The following C3orf70 variants were observed in gnomAD, a reference collection of about 807,000 sequenced individuals.
The protein encoded by C3orf70 is UPF0524 protein C3orf70.
A neutral mutation model predicts 20.7 loss-of-function variants in C3orf70; 15 were observed. The observed-to-expected ratio is 0.72, with a 90% confidence interval of 0.48 to 1.11. The LOEUF (loss-of-function observed/expected upper bound fraction) is 1.11. C3orf70 is among the 50% of genes most tolerant of loss of function. The pLI is 0.00. For missense variants in C3orf70, 332 were observed against 317.6 expected (o/e 1.05, Z -0.34); for synonymous variants, 161 against 125.7 (o/e 1.28, Z -1.88).
intron 1 of C3orf70, among the ~76,000 whole-genome samples, chr3:185,105,275 CACTGTG>C (rs1715909455): frequency 6.6e-6 from 1 of 152,240 alleles, no homozygotes; most frequent in Non-Finnish European, 1.5e-5. Context: ...ATCTCTGCAG[CACTGTG>C]ACATGTTCAT....
rs578239687 is a variant in C3orf70, at chr3:185,116,219, C to A, written c.197-32656G>T. Among the ~76,000 whole-genome samples, 4 of 152,298 alleles carry A rather than the reference C, an allele frequency of 2.6e-5. No individual in the cohort carries two copies. The South Asian group carries it at 8.3e-4, about 32-fold the overall frequency. On this transcript the variant is annotated intron_variant, in intron 1 of 1. Transcript: ENST00000335012. ...ATTTCTCAACTGGCCCACAACTCAG[C>A]AAAGGAAGAATGCTATTTATTGGTA...
Position 185,082,975 on chromosome 3 carries a change from G to A in C3orf70, c.*32C>T, listed in dbSNP as rs192437094. 2.3e-4 allele frequency: 367 copies of A among 1,584,288 alleles called. No individual in the cohort carries two copies. The highest frequency in any genetic ancestry group is 3.0e-4 in the Non-Finnish European group (349 of 1,164,616). ...AGACAAAGGTACAAAAGCTCGGCGT[G>A]GGTCCGAGGCTGTGGCTTCCTGTCT... On this transcript the variant is annotated 3_prime_UTR_variant, in exon 2 of 2. Transcript: ENST00000335012.
intron 1 of C3orf70, among the ~76,000 whole-genome samples, chr3:185,150,024 A>T (rs925486055): frequency 4.0e-5 from 6 of 151,574 alleles, no homozygotes; most frequent in Middle Eastern, 3.4e-3. Context: ...GTTTTTTTTT[A>T]AAAAAAGAGT....
At chr3:185,142,660 G>A (rs968205451) in intron 1 of C3orf70, among the ~76,000 whole-genome samples, 8 of 152,012 alleles carry the variant, frequency 5.3e-5, no homozygotes, top group Non-Finnish European at 1.2e-4. Flanking sequence ...CAGCATCAAA[G>A]TATCACCCCA....
chr3:185,147,560 A>G (rs1716901941), intron 1 of C3orf70, among the ~76,000 whole-genome samples: 1 of 152,134 alleles, frequency 6.6e-6, no homozygotes, highest in Non-Finnish European at 1.5e-5. Flanking sequence ...TGTAGAATCG[A>G]ACAGAGCTAG....
intron 1 of C3orf70, among the ~76,000 whole-genome samples, chr3:185,086,046 T>G (rs530571417): frequency 4.6e-5 from 7 of 152,198 alleles, no homozygotes; most frequent in Non-Finnish European, 8.8e-5. Flanking sequence ...GGTTTAGTTA[T>G]CCACTGTCAC....
At chr3:185,121,468 C>T (rs1053622812) in intron 1 of C3orf70, among the ~76,000 whole-genome samples, 1 of 151,818 alleles carries the variant, frequency 6.6e-6, no homozygotes, top group Admixed American at 6.6e-5. Context: ...TAAGAAGAGA[C>T]ATGACAAGAG....
rs1715220529 is a variant in C3orf70 at position 185,077,497 on chromosome 3, A to ACTG, written c.*5509_*5510insCAG. ...TTAAGGTAGCCATTGAACTATAATT[A>ACTG]ATATTAACAAGGATTTTATTACTGA... On this transcript the variant is annotated 3_prime_UTR_variant, in exon 2 of 2. Coordinates refer to ENST00000335012, the MANE Select transcript of C3orf70 (RefSeq NM_001025266.3). Among the ~76,000 whole-genome samples, 1 of 152,152 alleles carries ACTG rather than the reference A, an allele frequency of 6.6e-6. No homozygotes were observed. The highest frequency in any genetic ancestry group is 1.5e-5 in the Non-Finnish European group (1 of 68,028).
chr3:185,152,149 T>G (rs1169545869), intron 1 of C3orf70, among the ~76,000 whole-genome samples: 1 of 152,094 alleles, frequency 6.6e-6, no homozygotes, highest in African/African-American at 2.4e-5. Flanking sequence ...CAATTGGATA[T>G]CCAAGGGCTC....
At chr3:185,085,062 A>G (rs1017557313) in intron 1 of C3orf70, among the ~76,000 whole-genome samples, 1 of 152,164 alleles carries the variant, frequency 6.6e-6, no homozygotes, top group South Asian at 2.1e-4. Flanking sequence ...ACTAGATGCC[A>G]GTAGCAGCTC....
At chr3:185,140,058 G>C (rs1274970205) in intron 1 of C3orf70, among the ~76,000 whole-genome samples, 1 of 152,076 alleles carries the variant, frequency 6.6e-6, no homozygotes, top group Admixed American at 6.6e-5. Context: ...ATACACATTG[G>C]ATTGGTCCAG....
At chr3:185,099,876 A>T (rs1381146241) in intron 1 of C3orf70, among the ~76,000 whole-genome samples, 1 of 152,220 alleles carries the variant, frequency 6.6e-6, no homozygotes, top group Non-Finnish European at 1.5e-5. Context: ...AAATCTACCA[A>T]GCAAATGGAA....
chr3:185,117,928 G>A (rs1363826989), intron 1 of C3orf70, among the ~76,000 whole-genome samples: 3 of 152,146 alleles, frequency 2.0e-5, no homozygotes, highest in Non-Finnish European at 4.4e-5. Context: ...TCAGTTGTCA[G>A]GTTTAGTGTT....
chr3:185,151,377 G>A (rs905836179), intron 1 of C3orf70, among the ~76,000 whole-genome samples: 5 of 152,232 alleles, frequency 3.3e-5, no homozygotes, highest in Admixed American at 2.6e-4. Flanking sequence ...CAGCATCCCA[G>A]GTTTCCTAGA....
At position 185,082,208 on chromosome 3, in the gene C3orf70, G is replaced by C. The variant is rs1056314110; in HGVS notation, c.*799C>G. Reference sequence around the variant, plus strand: ...CTCATCCTTCCCCTGGGTTCCCAGAGCTTTTTGGGTGCCATGAGTTGAATG... The same window carrying C: ...CTCATCCTTCCCCTGGGTTCCCAGACCTTTTTGGGTGCCATGAGTTGAATG... On this transcript the variant is annotated 3_prime_UTR_variant, in exon 2 of 2. Coordinates refer to ENST00000335012, the MANE Select transcript of C3orf70 (RefSeq NM_001025266.3). The C allele has an allele frequency of 2.0e-5, 3 of 152,184 alleles. No individual in the cohort carries two copies. The highest frequency in any genetic ancestry group is 4.4e-5 in the Non-Finnish European group (3 of 68,060). 9.4% of individuals were successfully genotyped at this position (152,184 alleles called of 1,614,324 possible).
At chr3:185,133,001 T>C (rs990569598) in intron 1 of C3orf70, among the ~76,000 whole-genome samples, 1 of 152,238 alleles carries the variant, frequency 6.6e-6, no homozygotes, top group Non-Finnish European at 1.5e-5. Flanking sequence ...TGATCTTCAA[T>C]ATACTGGAAG....
intron 1 of C3orf70, among the ~76,000 whole-genome samples, chr3:185,095,808 C>T (rs1342964443): frequency 6.8e-6 from 1 of 147,598 alleles, no homozygotes; most frequent in Non-Finnish European, 1.5e-5. Flanking sequence ...ACGATCTCGG[C>T]TCACTGCAAC....
intron 1 of C3orf70, among the ~76,000 whole-genome samples, chr3:185,094,356 C>T (rs1208304806): frequency 2.6e-5 from 4 of 152,018 alleles, no homozygotes; most frequent in Admixed American, 6.5e-5. Context: ...TGATTACAGG[C>T]GTGAGCCGCT....
At chr3:185,095,797 C>T (rs1024363336) in intron 1 of C3orf70, among the ~76,000 whole-genome samples, 10 of 142,628 alleles carry the variant, frequency 7.0e-5, no homozygotes, top group Non-Finnish European at 1.5e-4. Context: ...AGTGCAGTGG[C>T]ACGATCTCGG....
Sources: allele counts gnomAD v4.1 joint callset (sites outside exome capture counted in the v4.1 genomes callset), GRCh38; gene constraint gnomAD v4.1.1; transcripts MANE v1.5; gene names NCBI Gene and HGNC (gene_info 2026-07-23, HGNC 2026-07-21).